ARSG: variants seen among roughly 807,000 people sequenced by gnomAD.
ARSG encodes ASG.
Under a neutral mutation model 50.5 loss-of-function variants are expected in ARSG, and 37 were observed. The observed-to-expected ratio is 0.73, with a 90% CI of 0.56 to 0.96. ARSG has a LOEUF of 0.96. Ranked by LOEUF, ARSG falls within the 50% of genes least tolerant of loss-of-function variation. ARSG has a pLI of 0.00. For synonymous variants in ARSG, 225 were observed against 254.6 expected (o/e 0.88, Z 1.11); for missense variants, 629 against 675.3 (o/e 0.93, Z 0.76).
rs778128173 is a variant in ARSG, at chr17:68,343,776, G to A, written c.391G>A (p.Val131Ile). The A allele has an allele frequency of 2.1e-5, 34 of 1,613,070 alleles. No individual in the cohort carries two copies. The highest frequency in any genetic ancestry group is 1.1e-4 in the East Asian group (5 of 44,842). Reference protein sequence around the residue: ...LAEVLQQAGYVTGIIGKWHLG... With the variant: ...LAEVLQQAGYITGIIGKWHLG... ...AGAGGTGCTGCAGCAGGCGGGTTACGTCACTGGGATAATAGGTAACTCTGG... is the reference window on the plus strand; with the variant it reads ...AGAGGTGCTGCAGCAGGCGGGTTACATCACTGGGATAATAGGTAACTCTGG... Residue 131 changes from valine (V) to isoleucine (I), a missense_variant, in exon 3 of 12, where the codon GTC becomes ATC. Physicochemically the swap from Val to Ile is conservative, Grantham distance 29. Coordinates refer to ENST00000621439, the MANE Select transcript of ARSG (RefSeq NM_001267727.2).
intron 1 of ARSG, among the ~76,000 whole-genome samples, chr17:68,283,389 C>A (rs1470022079): frequency 1.3e-5 from 2 of 152,010 alleles, no homozygotes; most frequent in African/African-American, 4.8e-5. Context: ...GGCGTGGTGG[C>A]GGGCGCCTGT....
At chr17:68,319,472 T>G (rs1226668603) in intron 2 of ARSG, among the ~76,000 whole-genome samples, 1 of 152,166 alleles carries the variant, frequency 6.6e-6, no homozygotes, top group African/African-American at 2.4e-5. Flanking sequence ...ATGGCTCTGT[T>G]TGATAGATGG....
upstream of ARSG, among the ~76,000 whole-genome samples, chr17:68,289,552 C>CGTA (rs2075920289): frequency 6.6e-6 from 1 of 152,186 alleles, no homozygotes; most frequent in South Asian, 2.1e-4. Flanking sequence ...TTCTTAAAGG[C>CGTA]GTAGCCCGGA....
chr17:68,303,728 G>T (rs2076505710), intron 1 of ARSG, among the ~76,000 whole-genome samples: 1 of 152,188 alleles, frequency 6.6e-6, no homozygotes, highest in Admixed American at 6.5e-5. Flanking sequence ...GAGATTACAG[G>T]CATGAGCCAC....
At chr17:68,295,270 A>G (rs2076164465) in intron 1 of ARSG, among the ~76,000 whole-genome samples, 1 of 152,012 alleles carries the variant, frequency 6.6e-6, no homozygotes, top group Non-Finnish European at 1.5e-5. Context: ...CAGTGAGGTC[A>G]CCTTCCCACT....
rs558649965 is a variant in ARSG at position 68,395,013 on chromosome 17, G to A, written c.1092-60G>A. On this transcript the variant is annotated intron_variant, in intron 9 of 11. Transcript: ENST00000621439. Reference sequence around the variant, plus strand: ...GGCTGGTTCAGGTGGGGGTTGACACGGCAGGGTCAGGGAGCGAGTCAGAAG... The same window carrying A: ...GGCTGGTTCAGGTGGGGGTTGACACAGCAGGGTCAGGGAGCGAGTCAGAAG... The A allele has an allele frequency of 3.1e-5, 49 of 1,602,210 alleles. No individual in the cohort carries two copies. In the Middle Eastern group the frequency reaches 5.0e-4, roughly 16 times the overall value.
chr17:68,411,435 T>C (rs1281649121), intron 11 of ARSG, among the ~76,000 whole-genome samples: 1 of 152,234 alleles, frequency 6.6e-6, no homozygotes, highest in Non-Finnish European at 1.5e-5. Flanking sequence ...TGAGCGGTTT[T>C]GAGTGAGATT....
the ARSG span, chr17:68,435,629 C>G: frequency 6.2e-7 from 1 of 1,614,126 alleles, no homozygotes; most frequent in South Asian, 1.1e-5. Flanking sequence ...CTTTTTCAGA[C>G]GCACTTGCTA....
chr17:68,395,078 T>C lies in ARSG; in HGVS notation c.1097T>C (p.Leu366Pro), dbSNP rs2081177383. 6.2e-7 allele frequency: 1 copy of C among 1,613,988 alleles called. No individual in the cohort carries two copies. The highest frequency in any genetic ancestry group is 1.7e-5 in the Admixed American group (1 of 60,012). Residue 366 changes from leucine to proline, a missense_variant, in exon 10 of 12, where the codon CTG becomes CCG. Transcript: ENST00000621439. ...CAGTCTTGTTATTTCCGCAGCGTGC[T>C]GGACATTTTTCCAACTGTGGTAGCC... ...NVTSTALLSV[L>P]DIFPTVVALA...
intron 6 of ARSG, among the ~76,000 whole-genome samples, chr17:68,364,413 G>A (rs2079444392): frequency 1.3e-5 from 2 of 152,074 alleles, no homozygotes; most frequent in African/African-American, 4.8e-5. Flanking sequence ...TTGCTCTGTT[G>A]CCTAGGCTGG....
At chr17:68,329,643 C>G (rs957195203) in intron 2 of ARSG, among the ~76,000 whole-genome samples, 1 of 152,248 alleles carries the variant, frequency 6.6e-6, no homozygotes, top group Non-Finnish European at 1.5e-5. Context: ...GCCTGTAGAC[C>G]GTGCTGACTT....
intron 11 of ARSG, among the ~76,000 whole-genome samples, chr17:68,403,048 C>T (rs1048083910): frequency 6.6e-6 from 1 of 152,088 alleles, no homozygotes; most frequent in Non-Finnish European, 1.5e-5. Context: ...AAATTATTTT[C>T]CCTGAGTGTA....
intron 1 of ARSG, among the ~76,000 whole-genome samples, chr17:68,279,959 A>G (rs782421887): frequency 1.3e-4 from 20 of 152,164 alleles, no homozygotes; most frequent in Non-Finnish European, 2.2e-4. Context: ...AAGCGGGTGG[A>G]TCACCTGAGG....
At chr17:68,388,786 G>A (rs545065280) in intron 9 of ARSG, among the ~76,000 whole-genome samples, 343 of 152,110 alleles carry the variant, frequency 2.3e-3, no homozygotes, top group Non-Finnish European at 3.8e-3. Context: ...TTAGCCGGGC[G>A]TGGTGGCGCG....
chr17:68,449,061 A>G, the ARSG span, among the ~76,000 whole-genome samples: 1 of 152,230 alleles, frequency 6.6e-6, no homozygotes, highest in Non-Finnish European at 1.5e-5. Flanking sequence ...ATAAATTTAA[A>G]AAGCATTTAT....
chr17:68,314,907 G>A (rs1304369785), intron 2 of ARSG, among the ~76,000 whole-genome samples: 5 of 152,168 alleles, frequency 3.3e-5, no homozygotes, highest in Non-Finnish European at 7.4e-5. Context: ...GAGTTCCAGT[G>A]ACAAATTCCT....
At chr17:68,296,193 A>G (rs2076200934) in intron 1 of ARSG, among the ~76,000 whole-genome samples, 1 of 152,238 alleles carries the variant, frequency 6.6e-6, no homozygotes, top group East Asian at 1.9e-4. Context: ...CTCATTGGCA[A>G]TATTGGGAAG....
chr17:68,403,709 CT>C (rs1052519660), intron 11 of ARSG, among the ~76,000 whole-genome samples: 15 of 151,538 alleles, frequency 9.9e-5, no homozygotes, highest in Non-Finnish European at 2.1e-4. Flanking sequence ...TATTGTTTTT[CT>C]TTTTTTTTAT....
intron 1 of ARSG, among the ~76,000 whole-genome samples, chr17:68,296,927 G>C (rs2076228508): frequency 6.6e-6 from 1 of 152,224 alleles, no homozygotes. Context: ...AAGTTGAGGG[G>C]AATGATGAGA....
Sources: gnomAD v4.1 joint callset for allele counts (sites outside exome capture counted in the v4.1 genomes callset) on GRCh38, gnomAD v4.1.1 for gene constraint, MANE v1.5 for transcripts, NCBI Gene and HGNC (gene_info 2026-07-23, HGNC 2026-07-21) for gene names.